Variants in FBXL7 observed in about 807,000 individuals in gnomAD.
FBXL7 encodes the protein F-box/LRR-repeat protein 7.
FBXL7 carries 12 observed loss-of-function variants against 38.3 expected under a neutral mutation model. That is an observed-to-expected ratio of 0.31 (90% CI 0.20 to 0.51). The LOEUF is 0.51. Among genes scored for constraint, FBXL7 ranks in the 20% least tolerant of loss-of-function variants. FBXL7 has a pLI of 0.98. For synonymous variants in FBXL7, 297 were observed against 300.9 expected (o/e 0.99, Z 0.13); for missense variants, 567 against 676.4 (o/e 0.84, Z 1.79).
chr5:15,893,738 T>A (rs1741004687), intron 2 of FBXL7, among the ~76,000 whole-genome samples: 1 of 152,234 alleles, frequency 6.6e-6, no homozygotes, highest in South Asian at 2.1e-4. Context: ...CAAAATAATT[T>A]AGGTCAAATA....
At chr5:15,804,458 G>T (rs1200117891) in intron 2 of FBXL7, among the ~76,000 whole-genome samples, 1 of 152,080 alleles carries the variant, frequency 6.6e-6, no homozygotes, top group Non-Finnish European at 1.5e-5. Context: ...AACAAAATGA[G>T]ACCTTGTCTC....
chr5:15,879,232 A>C (rs988732228), intron 2 of FBXL7, among the ~76,000 whole-genome samples: 5 of 152,242 alleles, frequency 3.3e-5, no homozygotes, highest in African/African-American at 1.2e-4. Flanking sequence ...TATAACGGCC[A>C]GAAGAAATCC....
chr5:15,657,471 A>C (rs1027309983), intron 2 of FBXL7, among the ~76,000 whole-genome samples: 1 of 152,236 alleles, frequency 6.6e-6, no homozygotes, highest in Admixed American at 6.5e-5. Context: ...ATTATAAGTC[A>C]GTGAATAAAT....
chr5:15,749,441 A>T (rs1736098277), intron 2 of FBXL7, among the ~76,000 whole-genome samples: 1 of 151,884 alleles, frequency 6.6e-6, no homozygotes, highest in Non-Finnish European at 1.5e-5. Flanking sequence ...TCTGGCTAAC[A>T]CGGTGAAACC....
At chr5:15,912,413 C>G (rs1417873689) in intron 2 of FBXL7, among the ~76,000 whole-genome samples, 1 of 143,484 alleles carries the variant, frequency 7.0e-6, no homozygotes, top group Non-Finnish European at 1.5e-5. Flanking sequence ...CACTGGCCTG[C>G]GCCCACTGTC....
chr5:15,891,011 A>T (rs1195608046), intron 2 of FBXL7, among the ~76,000 whole-genome samples: 1 of 152,190 alleles, frequency 6.6e-6, no homozygotes. Context: ...TAGCTTAATG[A>T]TGGCCATATT....
At chr5:15,893,929 A>G (rs1456907752) in intron 2 of FBXL7, among the ~76,000 whole-genome samples, 1 of 152,232 alleles carries the variant, frequency 6.6e-6, no homozygotes, top group African/African-American at 2.4e-5. Flanking sequence ...AGGTAGGGCT[A>G]TAGAGAAAAC....
chr5:15,514,828 C>G (rs6554885), intron 1 of FBXL7, among the ~76,000 whole-genome samples: 10,143 of 152,188 alleles, frequency 0.067, 984 homozygotes, highest in African/African-American at 0.21. Context: ...CAGGGAGGTT[C>G]AGGGAGCGGG....
At chr5:15,782,272 G>C (rs1561124713) in intron 2 of FBXL7, among the ~76,000 whole-genome samples, 1 of 152,118 alleles carries the variant, frequency 6.6e-6, no homozygotes, top group Non-Finnish European at 1.5e-5. Flanking sequence ...ATTGTGAATA[G>C]TGCTGCAATA....
At chr5:15,653,081 T>A (rs1741766462) in intron 2 of FBXL7, among the ~76,000 whole-genome samples, 1 of 152,228 alleles carries the variant, frequency 6.6e-6, no homozygotes, top group African/African-American at 2.4e-5. Flanking sequence ...TTCGCCATCT[T>A]ATGTAAGTAC....
rs569913160 is a variant in FBXL7 at position 15,589,458 on chromosome 5, T to C, written c.38-26525T>C. Among the ~76,000 whole-genome samples, 4 of 152,268 alleles carry C rather than the reference T, an allele frequency of 2.6e-5. No homozygotes were observed. The South Asian group carries it at 8.3e-4, about 32-fold the overall frequency. The stretch of plus-strand genomic sequence containing the variant: ...GCAAGTTGTGCCTGCTTCCCCTTTG[T>C]CTTCGGCCGTGATTGTAAGTTTCCC... On this transcript the variant is annotated intron_variant, in intron 1 of 3. Transcript: ENST00000504595.
At chr5:15,767,865 A>G (rs2126706838) in intron 2 of FBXL7, among the ~76,000 whole-genome samples, 1 of 152,348 alleles carries the variant, frequency 6.6e-6, no homozygotes, top group Non-Finnish European at 1.5e-5. Flanking sequence ...TGTCTTTAGA[A>G]CCTAAAACAG....
chr5:15,919,788 C>T (rs771970943), intron 2 of FBXL7, among the ~76,000 whole-genome samples: 30 of 152,152 alleles, frequency 2.0e-4, no homozygotes, highest in Non-Finnish European at 3.4e-4. Flanking sequence ...TTTTCTCAGA[C>T]TTGCACAAAC....
At chr5:15,676,955 A>G (rs1742675649) in intron 2 of FBXL7, among the ~76,000 whole-genome samples, 1 of 152,226 alleles carries the variant, frequency 6.6e-6, no homozygotes, top group South Asian at 2.1e-4. Flanking sequence ...TTGGAAAGCC[A>G]CACATTAAAT....
chr5:15,597,484 A>G (rs1334131445), intron 1 of FBXL7, among the ~76,000 whole-genome samples: 1 of 147,756 alleles, frequency 6.8e-6, no homozygotes, highest in Non-Finnish European at 1.5e-5. Flanking sequence ...TCTCTAGATA[A>G]TATCATTTTG....
intron 2 of FBXL7, among the ~76,000 whole-genome samples, chr5:15,728,893 C>T (rs185716592): frequency 2.6e-5 from 4 of 152,194 alleles, no homozygotes; most frequent in Admixed American, 2.6e-4. Flanking sequence ...TCCAATATAG[C>T]ATGGATCAGG....
chr5:15,670,606 G>T (rs769700394), intron 2 of FBXL7, among the ~76,000 whole-genome samples: 14 of 152,120 alleles, frequency 9.2e-5, no homozygotes, highest in African/African-American at 1.4e-4. Context: ...TTCGAGACCA[G>T]CCTGGCCAAC....
At position 15,644,982 on chromosome 5, in the gene FBXL7, G is replaced by C. The variant is rs569316032; in HGVS notation, c.127+28910G>C. Among the ~76,000 whole-genome samples, 15 of 152,214 alleles carry C rather than the reference G, an allele frequency of 9.9e-5. No homozygotes were observed. The East Asian group carries it at 2.7e-3, about 27-fold the overall frequency. On this transcript the variant is annotated intron_variant, in intron 2 of 3. Transcript: ENST00000504595. ...ATTCACCTTGTCCCCTTCCTTGCTT[G>C]TATGTTGACTGACCCTGATATTTAG...
chr5:15,872,588 T>G (rs1740014318), intron 2 of FBXL7, among the ~76,000 whole-genome samples: 1 of 151,864 alleles, frequency 6.6e-6, no homozygotes, highest in African/African-American at 2.4e-5. Context: ...TGGAGGAAGA[T>G]TTACCAAGCA....
Sources: allele counts gnomAD v4.1 joint callset (sites outside exome capture counted in the v4.1 genomes callset), GRCh38; gene constraint gnomAD v4.1.1; transcripts MANE v1.5; gene names NCBI Gene and HGNC (gene_info 2026-07-23, HGNC 2026-07-21).